Variants in RAET1E observed in about 807,000 individuals in gnomAD.
RAET1E encodes NKG2D ligand 4.
RAET1E carries 27 observed loss-of-function variants against 21.1 expected under a neutral mutation model. That is an observed-to-expected ratio of 1.28 (90% CI 0.94 to 1.76). The LOEUF is 1.76. RAET1E is among the 40% of genes most tolerant of loss of function. The pLI is 0.00. For missense variants in RAET1E, 310 were observed against 311.3 expected (o/e 1.00, Z 0.03); for synonymous variants, 113 against 115.0 (o/e 0.98, Z 0.11).
At position 149,888,615 on chromosome 6, in the gene RAET1E, A is replaced by C. The variant is rs753012688; in HGVS notation, c.675T>G (p.Asp225Glu). The C allele has an allele frequency of 6.2e-7, 1 of 1,608,710 alleles. No homozygotes were observed. The highest frequency in any genetic ancestry group is 8.5e-7 in the Non-Finnish European group (1 of 1,178,974). ...TGAATGCCCCCAGGATGATCCATCT[A>C]TCTGGTAGACTAGAAGAAGACCAGT... The part of the protein sequence containing the change: ...DIHWSSSSLP[D>E]RWIILGAFIL... Residue 225 changes from aspartate (D) to glutamate (E), a missense_variant, in exon 6 of 6, where the codon GAT becomes GAG. Physicochemically the swap from Asp to Glu is conservative, Grantham distance 45. Transcript: ENST00000357183.
In RAET1E at chr6:149,886,022, T is replaced by C. The variant is rs1280380658; in HGVS notation, c.*2476A>G. Reference sequence around the variant, plus strand: ...AGGTGACAGTTAAACTGGACTTGGATAGCTGTCTGGAATTCGGTCAGGTAA... The same window carrying C: ...AGGTGACAGTTAAACTGGACTTGGACAGCTGTCTGGAATTCGGTCAGGTAA... On this transcript the variant is annotated 3_prime_UTR_variant, in exon 6 of 6. Coordinates refer to ENST00000357183, the MANE Select transcript of RAET1E (RefSeq NM_001394057.1). Among the ~76,000 whole-genome samples, 1 of 152,180 alleles carries C rather than the reference T, an allele frequency of 6.6e-6. No individual in the cohort carries two copies. The highest frequency in any genetic ancestry group is 1.5e-5 in the Non-Finnish European group (1 of 68,026).
At position 149,889,371 on chromosome 6, in the gene RAET1E, C is replaced by A. The variant is rs1380427624; in HGVS notation, c.599G>T (p.Trp200Leu). The stretch of plus-strand genomic sequence containing the variant: ...ACCTGTCGGTTCTGGCATTGCCTCC[C>A]AGTGCCCTAAGAATTCCCTGAGCCA... The part of the protein sequence containing the change: ...DHWLREFLGH[W>L]EAMPEPTVSP... Residue 200 changes from tryptophan to leucine, a missense_variant, in exon 5 of 6, where the codon TGG (tryptophan) becomes TTG (leucine). Coordinates refer to ENST00000357183, the MANE Select transcript of RAET1E (RefSeq NM_001394057.1). The A allele has an allele frequency of 6.2e-7, 1 of 1,614,176 alleles. No homozygotes were observed. The highest frequency in any genetic ancestry group is 1.1e-5 in the South Asian group (1 of 91,086).
chr6:149,889,251 A>G (rs755979916), intron 5 of RAET1E, 97 bp downstream of exon 5: 110 of 1,520,188 alleles, frequency 7.2e-5, no homozygotes, highest in Non-Finnish European at 9.6e-5. Flanking sequence ...GGAGAAGTCA[A>G]TCAAATTTTC....
Position 149,886,781 on chromosome 6 carries a change from C to G in RAET1E, c.*1717G>C, listed in dbSNP as rs142501991. On this transcript the variant is annotated 3_prime_UTR_variant, in exon 6 of 6. Transcript: ENST00000357183. ...GACACTCCCTGTCAACCCCTTTGCT[C>G]TGTCATTTAGCTTTGATCAGCTTTT... is the stretch of plus-strand genomic sequence containing the variant. 2.6e-5 allele frequency among the ~76,000 whole-genome samples: 4 copies of G among 152,342 alleles called. No homozygotes were observed. In the East Asian group the frequency reaches 7.7e-4, roughly 29 times the overall value.
rs568938540 is a variant in RAET1E at position 149,898,110 on chromosome 6, C to G, written c.-410G>C. 6.6e-6 allele frequency: 1 copy of G among 152,264 alleles called. No individual in the cohort carries two copies. The highest frequency in any genetic ancestry group is 6.5e-5 in the Admixed American group (1 of 15,300). 9.4% of individuals were successfully genotyped at this position (152,264 alleles called of 1,614,324 possible). On this transcript the variant is annotated 5_prime_UTR_variant, in exon 1 of 6. Coordinates refer to ENST00000357183, the MANE Select transcript of RAET1E (RefSeq NM_001394057.1). ...CTTCCTCAGAGTCTCTGTGCAAACTCTCTGAGGAGCAGAAACCAGTTCAGT... is the reference window on the plus strand; with the variant it reads ...CTTCCTCAGAGTCTCTGTGCAAACTGTCTGAGGAGCAGAAACCAGTTCAGT...
At position 149,888,669 on chromosome 6, in the gene RAET1E, T is replaced by TAAAA. The variant is rs3036672; in HGVS notation, c.623-6_623-3dup. The stretch of plus-strand genomic sequence containing the variant: ...TATCTGAAGCATTTACTGGTGACAC[T>TAAAA]AAAAAAAAAAAAAAAAAGAAAAAAA... On this transcript the variant is annotated splice_polypyrimidine_tract_variant and splice_region_variant and intron_variant, in intron 5 of 5. Transcript: ENST00000357183. The TAAAA allele has an allele frequency of 0.089, 112,478 of 1,265,050 alleles. 2,247 individuals carry two copies. Among genetic ancestry groups the TAAAA allele is most frequent in the Admixed American group, 0.15 (3,956 of 26,056 alleles). 78.4% of individuals were successfully genotyped at this position (1,265,050 alleles called of 1,614,324 possible).
chr6:149,884,422 GGGAGCCAAGGC>G lies in RAET1E; in HGVS notation c.*4065_*4075del. The G allele has an allele frequency of 6.8e-7, 1 of 1,461,844 alleles. No homozygotes were observed. The highest frequency in any genetic ancestry group is 2.5e-5 in the East Asian group (1 of 40,422). 90.6% of individuals were successfully genotyped at this position (1,461,844 alleles called of 1,614,324 possible). Reference sequence around the variant, plus strand: ...CTTGACTCAGGGAACACACAGCAGTGGGAGCCAAGGCTGTCAGCGATCGAGGACCACAGGTG... The same window carrying G: ...CTTGACTCAGGGAACACACAGCAGTGTGTCAGCGATCGAGGACCACAGGTG... On this transcript the variant is annotated 3_prime_UTR_variant, in exon 6 of 6. Coordinates refer to ENST00000357183, the MANE Select transcript of RAET1E (RefSeq NM_001394057.1).
chr6:149,892,889 G>A (rs1396068610), intron 2 of RAET1E, among the ~76,000 whole-genome samples: 3 of 152,184 alleles, frequency 2.0e-5, no homozygotes, highest in Non-Finnish European at 4.4e-5. Flanking sequence ...TGTATAAGGT[G>A]TAAGGAAGGG....
Position 149,889,390 on chromosome 6 carries a change from T to C in RAET1E, c.580A>G (p.Arg194Gly), listed in dbSNP as rs57292884. The change falls in exon 5 of 6, where the codon AGG becomes GGG. Residue 194 changes from arginine (R) to glycine (G), a missense_variant. Transcript: ENST00000357183. Reference protein sequence around the residue: ...LSKGDCDHWLREFLGHWEAMP... With the variant: ...LSKGDCDHWLGEFLGHWEAMP... ...GCCTCCCAGTGCCCTAAGAATTCCC[T>C]GAGCCAGTGATCGCAGTCTCCCTTT... 1,429 of 1,614,234 alleles carry C rather than the reference T, an allele frequency of 8.9e-4. 19 individuals carry two copies. The African/African-American group carries it at 0.018, about 20-fold the overall frequency.
rs1777558115 is a variant in RAET1E, at chr6:149,885,259, G to A, written c.*3239C>T. ...GTTTAAAGCCCGACTTTGCCAAACC[G>A]CTGTGGATGCATTAATTTGGAAAGG... On this transcript the variant is annotated 3_prime_UTR_variant, in exon 6 of 6. Transcript: ENST00000357183. 8.5e-6 allele frequency among the ~76,000 whole-genome samples: 1 copy of A among 118,178 alleles called. No homozygotes were observed. Among genetic ancestry groups the A allele is most frequent in the South Asian group, 3.0e-4 (1 of 3,384 alleles). 77.5% of individuals were successfully genotyped at this position (118,178 alleles called of 152,430 possible). A position where few individuals can be genotyped will look rare whatever the true frequency, so the allele number is the denominator to read the frequency against.
intron 2 of RAET1E, among the ~76,000 whole-genome samples, chr6:149,892,408 C>A (rs1025501720): frequency 6.6e-6 from 1 of 152,148 alleles, no homozygotes; most frequent in East Asian, 1.9e-4. Flanking sequence ...TTCTAACTGG[C>A]GTGAGATGGT....
Position 149,887,535 on chromosome 6 carries a change from G to T in RAET1E, c.*963C>A, listed in dbSNP as rs1473370752. 6.6e-6 allele frequency among the ~76,000 whole-genome samples: 1 copy of T among 152,062 alleles called. No individual in the cohort carries two copies. Among genetic ancestry groups the T allele is most frequent in the African/African-American group, 2.4e-5 (1 of 41,396 alleles). On this transcript the variant is annotated 3_prime_UTR_variant, in exon 6 of 6. Transcript: ENST00000357183. The stretch of plus-strand genomic sequence containing the variant: ...TTGGCAAACTCACTTTTCATGTCAG[G>T]GCCCCTGCAAAACAGACACATATCT...
At position 149,884,630 on chromosome 6, in the gene RAET1E, A is replaced by G; in HGVS notation, c.*3868T>C. The G allele has an allele frequency of 2.5e-6, 2 of 785,932 alleles. No homozygotes were observed. The highest frequency in any genetic ancestry group is 2.7e-5 in the East Asian group (1 of 36,702). 48.7% of individuals were successfully genotyped at this position (785,932 alleles called of 1,614,324 possible). On this transcript the variant is annotated 3_prime_UTR_variant, in exon 6 of 6. Coordinates refer to ENST00000357183, the MANE Select transcript of RAET1E (RefSeq NM_001394057.1). ...GGAGAGATCAGCCGCTATTGTTCAC[A>G]TTCTGCCTCTCTGTCATCTAGTTTA...
Position 149,884,779 on chromosome 6 carries a change from G to T in RAET1E, c.*3719C>A, listed in dbSNP as rs73612439. The stretch of plus-strand genomic sequence containing the variant: ...CACAGTGGGAAGGCCCACAGCGGGG[G>T]CAAGAGTCTTCCAGCTGTGGGCAAG... On this transcript the variant is annotated 3_prime_UTR_variant, in exon 6 of 6. Transcript: ENST00000357183. Among the ~76,000 whole-genome samples the T allele has an allele frequency of 0.025, 3,837 of 152,326 alleles. 172 individuals carry two copies. Among genetic ancestry groups the T allele is most frequent in the African/African-American group, 0.087 (3,618 of 41,560 alleles).
chr6:149,889,259 T>C, intron 5 of RAET1E, 89 bp downstream of exon 5: 1 of 1,529,260 alleles, frequency 6.5e-7, no homozygotes, highest in South Asian at 1.3e-5. Flanking sequence ...CAATCAAATT[T>C]TCTATCGCAC....
At chr6:149,891,265 C>A (rs1444339992) in intron 2 of RAET1E, among the ~76,000 whole-genome samples, 1 of 151,980 alleles carries the variant, frequency 6.6e-6, no homozygotes, top group African/African-American at 2.4e-5. Flanking sequence ...TTTCCTCTTC[C>A]CTTCTCCTCC....
At position 149,890,879 on chromosome 6, in the gene RAET1E, G is replaced by A; in HGVS notation, c.23C>T (p.Ser8Phe). Residue 8 changes from serine to phenylalanine, a missense_variant, in exon 3 of 6, where the codon TCT becomes TTT. Physicochemically the swap from Ser to Phe is radical, Grantham distance 155. Transcript: ENST00000357183. Reference protein sequence around the residue: MRRISLTSSPVRLLLFLL... With the variant: MRRISLTFSPVRLLLFLL... ...AAACAAAAGAAGGCGCACAGGGCTAGAAGTCAGGGATATTCTTCGCATACT... is the reference window on the plus strand; with the variant it reads ...AAACAAAAGAAGGCGCACAGGGCTAAAAGTCAGGGATATTCTTCGCATACT... 6.2e-7 allele frequency: 1 copy of A among 1,613,004 alleles called. No individual in the cohort carries two copies. Among genetic ancestry groups the A allele is most frequent in the Non-Finnish European group, 8.5e-7 (1 of 1,179,078 alleles).
intron 1 of RAET1E, among the ~76,000 whole-genome samples, chr6:149,897,255 G>A (rs570539395): frequency 2.0e-5 from 3 of 152,128 alleles, no homozygotes; most frequent in East Asian, 1.9e-4. Flanking sequence ...GGCTGATCTC[G>A]AACTCCTGGG....
At position 149,884,638 on chromosome 6, in the gene RAET1E, T is replaced by C; in HGVS notation, c.*3860A>G. 1.4e-6 allele frequency: 1 copy of C among 727,398 alleles called. No homozygotes were observed. The highest frequency in any genetic ancestry group is 2.4e-6 in the Non-Finnish European group (1 of 425,444). 45.1% of individuals were successfully genotyped at this position (727,398 alleles called of 1,614,324 possible). A position where few individuals can be genotyped will look rare whatever the true frequency, so the allele number is the denominator to read the frequency against. ...CAGCCGCTATTGTTCACATTCTGCC[T>C]CTCTGTCATCTAGTTTATGATTGTT... On this transcript the variant is annotated 3_prime_UTR_variant, in exon 6 of 6. Coordinates refer to ENST00000357183, the MANE Select transcript of RAET1E (RefSeq NM_001394057.1).
Sources: gnomAD v4.1 joint callset for allele counts (sites outside exome capture counted in the v4.1 genomes callset) on GRCh38, gnomAD v4.1.1 for gene constraint, MANE v1.5 for transcripts, NCBI Gene and HGNC (gene_info 2026-07-23, HGNC 2026-07-21) for gene names.